Variants in PTPRD observed in about 807,000 individuals in gnomAD.
PTPRD encodes the protein protein tyrosine phosphatase receptor type D.
In PTPRD, 34 loss-of-function variants were observed where a neutral mutation model predicts 214.5. That is an observed-to-expected ratio of 0.16 (90% CI 0.12 to 0.21). The LOEUF is 0.21. PTPRD is among the 10% of genes least tolerant of loss of function. The probability of loss-of-function intolerance (pLI) is 1.00; values close to 1 mark genes in which losing one functional copy is unlikely to be tolerated. For missense variants in PTPRD, 2,545 were observed against 2,398.7 expected (o/e 1.06, Z -1.27); for synonymous variants, 1,128 against 845.7 (o/e 1.33, Z -5.79).
intron 43 of PTPRD, among the ~76,000 whole-genome samples, chr9:8,337,683 T>G (rs990572341): frequency 1.3e-5 from 2 of 151,888 alleles, no homozygotes; most frequent in African/African-American, 4.8e-5. Flanking sequence ...GGTGAGCAAC[T>G]TCCGGTTTCA....
At chr9:9,900,641 G>GTTT (rs1555302230) in intron 5 of PTPRD, among the ~76,000 whole-genome samples, 1 of 120,086 alleles carries the variant, frequency 8.3e-6, no homozygotes, top group Admixed American at 8.1e-5. Context: ...ACATTTTCAG[G>GTTT]TTTTTTTTTT....
At chr9:8,945,808 A>G (rs901183218) in intron 11 of PTPRD, among the ~76,000 whole-genome samples, 3 of 152,158 alleles carry the variant, frequency 2.0e-5, no homozygotes, top group African/African-American at 7.2e-5. Flanking sequence ...CCTTTCCATC[A>G]GCTAAACCAA....
At chr9:8,337,465 G>C (rs949022731) in intron 43 of PTPRD, among the ~76,000 whole-genome samples, 1 of 152,052 alleles carries the variant, frequency 6.6e-6, no homozygotes, top group African/African-American at 2.4e-5. Flanking sequence ...TTGGAGTCTA[G>C]GGGAACGATA....
At chr9:8,760,472 G>C (rs1005364307) in intron 11 of PTPRD, among the ~76,000 whole-genome samples, 2 of 152,012 alleles carry the variant, frequency 1.3e-5, no homozygotes, top group African/African-American at 4.8e-5. Context: ...TTTCATTGCT[G>C]AGCTATTAAT....
chr9:8,906,360 C>T (rs558802392), intron 11 of PTPRD, among the ~76,000 whole-genome samples: 1 of 152,084 alleles, frequency 6.6e-6, no homozygotes, highest in Non-Finnish European at 1.5e-5. Flanking sequence ...GAAGAGAGTG[C>T]ACTGTAGATA....
At chr9:10,509,912 A>C (rs1306872509) in intron 2 of PTPRD, among the ~76,000 whole-genome samples, 1 of 152,048 alleles carries the variant, frequency 6.6e-6, no homozygotes, top group Non-Finnish European at 1.5e-5. Context: ...ATTCCATTTC[A>C]GTACCTCCAA....
At chr9:10,606,469 G>C (rs769682500) in intron 2 of PTPRD, among the ~76,000 whole-genome samples, 4 of 150,930 alleles carry the variant, frequency 2.7e-5, no homozygotes, top group Non-Finnish European at 5.9e-5. Context: ...CAGGTTTTTC[G>C]TAAGTGGCCT....
chr9:9,999,045 A>C (rs963885952), intron 4 of PTPRD, among the ~76,000 whole-genome samples: 1 of 152,220 alleles, frequency 6.6e-6, no homozygotes, highest in Non-Finnish European at 1.5e-5. Flanking sequence ...CAGGCAGCTA[A>C]GTCAGCAGCA....
At chr9:9,342,755 G>A (rs757536863) in intron 9 of PTPRD, among the ~76,000 whole-genome samples, 6 of 151,396 alleles carry the variant, frequency 4.0e-5, no homozygotes, top group Non-Finnish European at 7.4e-5. Context: ...TACATGTGCA[G>A]AACATGCAGG....
intron 3 of PTPRD, among the ~76,000 whole-genome samples, chr9:10,334,689 A>T (rs566854974): frequency 3.3e-5 from 5 of 151,542 alleles, no homozygotes; most frequent in African/African-American, 7.2e-5. Flanking sequence ...CAAAAATCTC[A>T]TGGAACTAAT....
chr9:10,246,306 C>T (rs1595236354), intron 3 of PTPRD, among the ~76,000 whole-genome samples: 1 of 152,230 alleles, frequency 6.6e-6, no homozygotes, highest in East Asian at 1.9e-4. Context: ...TGCAATAGCT[C>T]GGTCTTGGCT....
At chr9:8,852,012 C>A (rs1337984773) in intron 11 of PTPRD, among the ~76,000 whole-genome samples, 1 of 151,522 alleles carries the variant, frequency 6.6e-6, no homozygotes, top group South Asian at 2.1e-4. Context: ...GAAATCATTA[C>A]TAATACAACC....
chr9:9,235,905 C>T lies in PTPRD; in HGVS notation c.-202-52542G>A, dbSNP rs570073154. On this transcript the variant is annotated intron_variant, in intron 9 of 45. Transcript: ENST00000381196. ...ATGATATTCTAAACATGGAAAGTTA[C>T]CTTGCATGTCTCCATGAACTTATTA... Among the ~76,000 whole-genome samples the T allele has an allele frequency of 9.9e-5, 15 of 152,186 alleles. No individual in the cohort carries two copies. In the South Asian group the frequency reaches 3.1e-3, roughly 32 times the overall value.
At chr9:10,218,524 C>T (rs7025529) in intron 3 of PTPRD, among the ~76,000 whole-genome samples, 108,443 of 151,710 alleles carry the variant, frequency 0.71, 40,011 homozygotes, top group Non-Finnish European at 0.81. Context: ...ATAAATGTCA[C>T]GTTCTAGTGG....
chr9:8,968,471 A>G (rs2099214086), intron 11 of PTPRD, among the ~76,000 whole-genome samples: 1 of 151,718 alleles, frequency 6.6e-6, no homozygotes, highest in Non-Finnish European at 1.5e-5. Context: ...ATGGTATCTC[A>G]TTGTGGTTTT....
At chr9:8,392,062 A>G (rs1401414522) in intron 36 of PTPRD, among the ~76,000 whole-genome samples, 1 of 152,126 alleles carries the variant, frequency 6.6e-6, no homozygotes, top group Non-Finnish European at 1.5e-5. Flanking sequence ...AGGCACCAGG[A>G]ATCAATACTA....
intron 7 of PTPRD, among the ~76,000 whole-genome samples, chr9:9,615,115 T>C (rs899922114): frequency 2.0e-5 from 3 of 152,148 alleles, no homozygotes; most frequent in Non-Finnish European, 4.4e-5. Flanking sequence ...ACTTGTCCTT[T>C]TGTGACCTTG....
intron 7 of PTPRD, among the ~76,000 whole-genome samples, chr9:9,618,644 T>A (rs2095050674): frequency 6.6e-6 from 1 of 152,186 alleles, no homozygotes; most frequent in African/African-American, 2.4e-5. Flanking sequence ...AGTAGTAAGA[T>A]AATACATTAT....
At chr9:9,258,987 C>G (rs570922966) in intron 9 of PTPRD, among the ~76,000 whole-genome samples, 29 of 151,854 alleles carry the variant, frequency 1.9e-4, no homozygotes, top group South Asian at 6.2e-4. Context: ...ATTACAATTT[C>G]TTGTGGTGGG....
Sources: allele counts gnomAD v4.1 joint callset (sites outside exome capture counted in the v4.1 genomes callset), GRCh38; gene constraint gnomAD v4.1.1; transcripts MANE v1.5; gene names NCBI Gene and HGNC (gene_info 2026-07-23, HGNC 2026-07-21).